CRIPTO: variants seen among roughly 807,000 people sequenced by gnomAD.
CRIPTO encodes protein Cripto.
the CRIPTO span, among the ~76,000 whole-genome samples, chr3:46,575,768 A>G: frequency 3.3e-5 from 5 of 152,216 alleles, no homozygotes; most frequent in South Asian, 2.1e-4. Context: ...AAATCCCCCA[A>G]TAGAACTAGT....
At chr3:46,577,126 C>T in the CRIPTO span, 1 of 152,578 alleles carries the variant, frequency 6.6e-6, no homozygotes, top group African/African-American at 2.4e-5. Flanking sequence ...CCGCCCCTCC[C>T]CTCTCCCGGG....
chr3:46,576,916 T>A, the CRIPTO span, among the ~76,000 whole-genome samples: 1 of 151,366 alleles, frequency 6.6e-6, no homozygotes, highest in South Asian at 2.1e-4. Context: ...CACATCAGAG[T>A]CCGGGGGTAA....
the CRIPTO span, chr3:46,581,175 A>G: frequency 1.9e-6 from 3 of 1,614,128 alleles, no homozygotes; most frequent in African/African-American, 2.7e-5. Flanking sequence ...CCAGGACTCC[A>G]GAACTACCAC....
At chr3:46,578,980 C>T in the CRIPTO span, 2 of 1,210,278 alleles carry the variant, frequency 1.7e-6, no homozygotes, top group East Asian at 2.3e-5. Flanking sequence ...TGGTGCTCTA[C>T]AATTTCTTTT....
At chr3:46,579,599 C>A in the CRIPTO span, 1 of 1,188,590 alleles carries the variant, frequency 8.4e-7, no homozygotes, top group Non-Finnish European at 1.2e-6. Context: ...CTGGCCTATG[C>A]ATGAAAATGA....
chr3:46,575,684 A>G, the CRIPTO span, among the ~76,000 whole-genome samples: 1 of 152,202 alleles, frequency 6.6e-6, no homozygotes, highest in African/African-American at 2.4e-5. Context: ...TTAGATAAGG[A>G]AATAGCAACG....
chr3:46,578,155 A>G, the CRIPTO span: 1 of 806,328 alleles, frequency 1.2e-6, no homozygotes, highest in Non-Finnish European at 2.1e-6. Flanking sequence ...AAGACCTGGA[A>G]TTTCACATGG....
chr3:46,575,814 G>A, the CRIPTO span, among the ~76,000 whole-genome samples: 4 of 152,194 alleles, frequency 2.6e-5, no homozygotes, highest in Non-Finnish European at 5.9e-5. Flanking sequence ...TATTGTGGGC[G>A]CTACTTATCT....
chr3:46,579,414 C>G, the CRIPTO span: 1 of 1,613,688 alleles, frequency 6.2e-7, no homozygotes, highest in South Asian at 1.1e-5. Flanking sequence ...CTTCATGTGT[C>G]TCCTGAGTAT....
chr3:46,579,074 T>G, the CRIPTO span: 1 of 1,614,116 alleles, frequency 6.2e-7, no homozygotes, highest in Non-Finnish European at 8.5e-7. Flanking sequence ...GGCTAACTCA[T>G]GTCTGACTTC....
At chr3:46,578,059 A>T in the CRIPTO span, 2 of 1,581,382 alleles carry the variant, frequency 1.3e-6, no homozygotes, top group Non-Finnish European at 1.7e-6. Flanking sequence ...TTGCCAGCTT[A>T]GGAAGTAATG....
the CRIPTO span, chr3:46,579,888 GGAGA>G: frequency 4.2e-5 from 68 of 1,614,086 alleles, no homozygotes; most frequent in South Asian, 6.3e-4. Context: ...GCCGTGGAGA[GGAGA>G]GAGAAAGGGA....
At chr3:46,580,776 A>C in the CRIPTO span, among the ~76,000 whole-genome samples, 4 of 152,220 alleles carry the variant, frequency 2.6e-5, no homozygotes, top group Non-Finnish European at 5.9e-5. Context: ...TCCAGGAAGT[A>C]AATGAAAGCA....
the CRIPTO span, chr3:46,581,002 G>T: frequency 1.4e-6 from 1 of 727,550 alleles, no homozygotes; most frequent in East Asian, 2.7e-5. Context: ...TCACCACTGG[G>T]CTAGGTTCCA....
chr3:46,578,383 AC>A, the CRIPTO span, among the ~76,000 whole-genome samples: 147 of 132,782 alleles, frequency 1.1e-3, 2 homozygotes, highest in South Asian at 8.3e-3. Context: ...AAAAAAAAAA[AC>A]CCACATTTTT....
chr3:46,580,064 A>C, the CRIPTO span: 1 of 1,614,116 alleles, frequency 6.2e-7, no homozygotes. Flanking sequence ...GGCTGTGGTA[A>C]GCGGAGGTTC....
the CRIPTO span, chr3:46,580,074 C>T: frequency 1.9e-6 from 3 of 1,614,050 alleles, no homozygotes; most frequent in Non-Finnish European, 2.5e-6. Context: ...AGCGGAGGTT[C>T]TCCTCTTTCT....
chr3:46,579,339 C>A, the CRIPTO span: 2 of 1,614,066 alleles, frequency 1.2e-6, no homozygotes, highest in East Asian at 2.2e-5. Context: ...GTCTTCCCAG[C>A]GTGTGCCGCC....
At chr3:46,575,390 C>T in the CRIPTO span, among the ~76,000 whole-genome samples, 1 of 152,152 alleles carries the variant, frequency 6.6e-6, no homozygotes, top group South Asian at 2.1e-4. Flanking sequence ...CACCACAGCC[C>T]TTCCCTTCCC....
Sources: allele counts gnomAD v4.1 joint callset (sites outside exome capture counted in the v4.1 genomes callset), GRCh38; gene constraint gnomAD v4.1.1; transcripts MANE v1.5; gene names NCBI Gene and HGNC (gene_info 2026-07-23, HGNC 2026-07-21).